The following MAPK8IP1 variants were observed in gnomAD, a reference collection of about 807,000 sequenced individuals.
MAPK8IP1 encodes the protein mitogen-activated protein kinase 8 interacting protein 1, also known as C-Jun-amino-terminal kinase-interacting protein 1.
Under a neutral mutation model 72.6 loss-of-function variants are expected in MAPK8IP1, and 17 were observed. The ratio of observed to expected loss-of-function variants is 0.23; its 90% CI spans 0.16 to 0.35. The LOEUF is 0.35. Among genes scored for constraint, MAPK8IP1 ranks in the 10% least tolerant of loss-of-function variants. The pLI, the probability that MAPK8IP1 is intolerant of heterozygous loss-of-function variation, is 1.00. For missense variants in MAPK8IP1, 789 were observed against 1,009.7 expected (o/e 0.78, Z 2.96); for synonymous variants, 401 against 443.4 (o/e 0.90, Z 1.20).
At position 45,902,152 on chromosome 11, in the gene MAPK8IP1, TGAGTA is replaced by T; in HGVS notation, c.604+95_604+99del. The T allele has an allele frequency of 8.2e-7, 1 of 1,214,210 alleles. No homozygotes were observed. The highest frequency in any genetic ancestry group is 1.2e-6 in the Non-Finnish European group (1 of 815,612). The allele number at this position is 1,214,210 out of a possible 1,614,324, so 75.2% of individuals were successfully genotyped here. ...GCAAACCCTACAGTCTCCAAAGGGCTGAGTAGAGGTGAACTGCCCACCCACATCCC... is the reference window on the plus strand; with the variant it reads ...GCAAACCCTACAGTCTCCAAAGGGCTGAGGTGAACTGCCCACCCACATCCC... On this transcript the variant is annotated intron_variant, in intron 4 of 11. Coordinates refer to ENST00000241014, the MANE Select transcript of MAPK8IP1 (RefSeq NM_005456.4). The surrounding 1 kb of genome is among the most constrained non-coding windows in gnomAD (Gnocchi z 9.3).
chr11:45,902,532 GC>G lies in MAPK8IP1; in HGVS notation c.767del (p.Pro256LeufsTer20), dbSNP rs1565074566. The G allele has an allele frequency of 6.2e-7, 1 of 1,611,460 alleles. No individual in the cohort carries two copies. ...CTCCGGGTGGTCCCCCTGCTGCCCCGCCTGGGGGTCGGGGCCACTCGCATCG... is the reference window on the plus strand; with the variant it reads ...CTCCGGGTGGTCCCCCTGCTGCCCCGCTGGGGGTCGGGGCCACTCGCATCG... Reference protein sequence around the residue: ...APPGGPPAAPPGGRGHSHRDR... With the variant: ...APPGGPPAAPXGGRGHSHRDR... On this transcript the variant is annotated frameshift_variant, in exon 5 of 12. Coordinates refer to ENST00000241014, the MANE Select transcript of MAPK8IP1 (RefSeq NM_005456.4). LOFTEE classifies it high-confidence loss of function. The surrounding 1 kb of genome is among the most constrained non-coding windows in gnomAD (Gnocchi z 9.3).
In MAPK8IP1 at chr11:45,904,924, C is replaced by G. The variant is rs752056733; in HGVS notation, c.1894-47C>G. On this transcript the variant is annotated intron_variant, in intron 9 of 11. Coordinates refer to ENST00000241014, the MANE Select transcript of MAPK8IP1 (RefSeq NM_005456.4). This position sits in a 1 kb window ranked among gnomAD's most constrained non-coding sequence, Gnocchi z 6.4. ...AAGAGGCCATCTCCTGTCACCCTCA[C>G]TGCAGGCCAGGTGACCGCCCTCTTG... 2 of 1,604,260 alleles carry G rather than the reference C, an allele frequency of 1.2e-6. No homozygotes were observed. The highest frequency in any genetic ancestry group is 1.7e-6 in the Non-Finnish European group (2 of 1,171,010).
In MAPK8IP1 at chr11:45,902,404, C is replaced by G. The variant is rs1316996240; in HGVS notation, c.637C>G (p.Leu213Val). 1 of 1,578,500 alleles carries G rather than the reference C, an allele frequency of 6.3e-7. No individual in the cohort carries two copies. Among genetic ancestry groups the G allele is most frequent in the Admixed American group, 1.8e-5 (1 of 54,278 alleles). ...GACACCACCGCATGAACACATCTGC[C>G]TGAGCGATGAGCTGCCCCCCCAGAG... ...EQTPPHEHIC[L>V]SDELPPQSGP... Residue 213 changes from leucine to valine, a missense_variant, in exon 5 of 12, where the codon CTG becomes GTG. By Grantham distance (32) the Leu-to-Val change is conservative (BLOSUM62 1). Coordinates refer to ENST00000241014, the MANE Select transcript of MAPK8IP1 (RefSeq NM_005456.4). The surrounding 1 kb of genome is among the most constrained non-coding windows in gnomAD (Gnocchi z 9.3).
intron 1 of MAPK8IP1, among the ~76,000 whole-genome samples, chr11:45,897,323 A>T (rs925296280): frequency 6.6e-6 from 1 of 151,306 alleles, no homozygotes; most frequent in African/African-American, 2.4e-5. Flanking sequence ...TGGCCTAGGG[A>T]GAGGGGGGTT....
rs562524501 is a variant in MAPK8IP1 at position 45,902,180 on chromosome 11, C to T, written c.604+119C>T. The stretch of plus-strand genomic sequence containing the variant: ...GTAGAGGTGAACTGCCCACCCACAT[C>T]CCTGCACGAGCCCATCCAGGGGCTG... On this transcript the variant is annotated intron_variant, in intron 4 of 11. Transcript: ENST00000241014. This position sits in a 1 kb window ranked among gnomAD's most constrained non-coding sequence, Gnocchi z 9.3. 1.1e-5 allele frequency: 12 copies of T among 1,056,288 alleles called. No individual in the cohort carries two copies. The highest frequency in any genetic ancestry group is 1.8e-5 in the Non-Finnish European group (12 of 673,472). 65.4% of individuals were successfully genotyped at this position (1,056,288 alleles called of 1,614,324 possible). A position where few individuals can be genotyped will look rare whatever the true frequency, so the allele number is the denominator to read the frequency against.
chr11:45,901,914 C>T (rs576256444), intron 3 of MAPK8IP1, 66 bp from the exon 4 acceptor site: 40 of 1,271,954 alleles, frequency 3.1e-5, no homozygotes, highest in Admixed American at 2.2e-4. Flanking sequence ...GGGGCAGGGC[C>T]GGGGCCTCCC....
chr11:45,892,006 G>A (rs1399028246), intron 1 of MAPK8IP1, among the ~76,000 whole-genome samples: 1 of 152,232 alleles, frequency 6.6e-6, no homozygotes, highest in Non-Finnish European at 1.5e-5. Context: ...TCAGCATGAA[G>A]ATGTTTAAAC....
At position 45,885,858 on chromosome 11, in the gene MAPK8IP1, C is replaced by A; in HGVS notation, c.38C>A (p.Ala13Asp). ...ERESGGLGGG[A>D]ASPPAASPFL... ...GAAAGCGGCGGCCTGGGAGGGGGGG[C>A]CGCGTCCCCGCCCGCCGCCTCCCCG... Residue 13 changes from alanine to aspartate, a missense_variant, in exon 1 of 12, where the codon GCC becomes GAC. Physicochemically the swap from Ala to Asp is moderately radical, Grantham distance 126. This residue lies in a region of MAPK8IP1 where 112 missense variants were observed against 111.8 expected (regional missense o/e 1.00). Coordinates refer to ENST00000241014, the MANE Select transcript of MAPK8IP1 (RefSeq NM_005456.4). 1 of 1,451,898 alleles carries A rather than the reference C, an allele frequency of 6.9e-7. No homozygotes were observed. Among genetic ancestry groups the A allele is most frequent in the South Asian group, 1.4e-5 (1 of 73,698 alleles). 89.9% of individuals were successfully genotyped at this position (1,451,898 alleles called of 1,614,324 possible). A position where few individuals can be genotyped will look rare whatever the true frequency, so the allele number is the denominator to read the frequency against.
intron 1 of MAPK8IP1, among the ~76,000 whole-genome samples, chr11:45,895,357 C>T (rs1332573044): frequency 4.6e-5 from 7 of 152,108 alleles, no homozygotes; most frequent in East Asian, 1.9e-4. Flanking sequence ...CCATGGCTCA[C>T]GCCTGCAATC....
At position 45,905,137 on chromosome 11, in the gene MAPK8IP1, A is replaced by T; in HGVS notation, c.1965-14A>T. 6.2e-7 allele frequency: 1 copy of T among 1,612,620 alleles called. No individual in the cohort carries two copies. Among genetic ancestry groups the T allele is most frequent in the Non-Finnish European group, 8.5e-7 (1 of 1,178,916 alleles). On this transcript the variant is annotated splice_polypyrimidine_tract_variant and intron_variant, in intron 10 of 11. Transcript: ENST00000241014. ...CGAGCCCCCGTCCCAGCACAGACAG[A>T]CCTGTCCCTGCAGGTACTTTGGGTT...
Position 45,904,507 on chromosome 11 carries a change from C to A in MAPK8IP1, c.1719C>A (p.Gly573=). 1 of 1,614,226 alleles carries A rather than the reference C, an allele frequency of 6.2e-7. No homozygotes were observed. Among genetic ancestry groups the A allele is most frequent in the Non-Finnish European group, 8.5e-7 (1 of 1,180,050 alleles). The part of the protein sequence containing the change: ...WVDQFRVKFL[G]SVQVPYHKGN... ...ACCAGTTCCGGGTGAAGTTCCTGGG[C>A]TCAGTCCAGGTTCCCTATCACAAGG... Residue 573 remains glycine, a synonymous_variant, in exon 8 of 12, where the codon GGC becomes GGA. Coordinates refer to ENST00000241014, the MANE Select transcript of MAPK8IP1 (RefSeq NM_005456.4). This position sits in a 1 kb window ranked among gnomAD's most constrained non-coding sequence, Gnocchi z 6.4.
Position 45,902,277 on chromosome 11 carries a change from G to T in MAPK8IP1, c.605-95G>T. ...AGGGCCTGTTGCCCAGGGAGGCTTT[G>T]TCTTGGTTTCTGTGTCACCAAGCTG... On this transcript the variant is annotated intron_variant, in intron 4 of 11. Coordinates refer to ENST00000241014, the MANE Select transcript of MAPK8IP1 (RefSeq NM_005456.4). The surrounding 1 kb of genome is among the most constrained non-coding windows in gnomAD (Gnocchi z 9.3). 1 of 1,189,502 alleles carries T rather than the reference G, an allele frequency of 8.4e-7. No homozygotes were observed. Among genetic ancestry groups the T allele is most frequent in the Non-Finnish European group, 1.2e-6 (1 of 816,946 alleles). 73.7% of individuals were successfully genotyped at this position (1,189,502 alleles called of 1,614,324 possible). A position where few individuals can be genotyped will look rare whatever the true frequency, so the allele number is the denominator to read the frequency against.
intron 1 of MAPK8IP1, chr11:45,897,074 C>A: frequency 1.0e-6 from 1 of 988,170 alleles, no homozygotes; most frequent in Non-Finnish European, 1.6e-6. Flanking sequence ...CCCCTGGGGG[C>A]TAAGCCACCA....
chr11:45,905,598 C>T (rs1485306510), intron 11 of MAPK8IP1, 51 bp from the exon 12 acceptor site: 1 of 1,519,526 alleles, frequency 6.6e-7, no homozygotes, highest in South Asian at 1.1e-5. Context: ...GGATCCTGTT[C>T]CTCCCTTGCC....
Position 45,900,116 on chromosome 11 carries a change from C to T in MAPK8IP1, c.208-22C>T, listed in dbSNP as rs963517002. ...GCCCCGCCCCGGCCCCGCCCCCTGA[C>T]GCCCCTCCGTGCGCTGTGCAGCCCC... is the stretch of plus-strand genomic sequence containing the variant. On this transcript the variant is annotated intron_variant, in intron 2 of 11. Coordinates refer to ENST00000241014, the MANE Select transcript of MAPK8IP1 (RefSeq NM_005456.4). This position sits in a 1 kb window ranked among gnomAD's most constrained non-coding sequence, Gnocchi z 6.5. The T allele has an allele frequency of 4.1e-5, 49 of 1,204,472 alleles. No individual in the cohort carries two copies. Among genetic ancestry groups the T allele is most frequent in the East Asian group, 7.0e-5 (2 of 28,406 alleles). 74.6% of individuals were successfully genotyped at this position (1,204,472 alleles called of 1,614,324 possible).
In MAPK8IP1 at chr11:45,903,159, C is replaced by T. The variant is rs2086670760; in HGVS notation, c.1392C>T (p.Phe464=). The T allele has an allele frequency of 8.1e-6, 13 of 1,604,050 alleles. No homozygotes were observed. Among genetic ancestry groups the T allele is most frequent in the East Asian group, 2.2e-5 (1 of 44,676 alleles). The part of the protein sequence containing the change: ...VHFSKKFLNV[F]MSGRSRSSSA... ...TCTCCAAGAAATTCCTGAACGTCTT[C>T]ATGAGTGGCCGCTCCCGCTCCTCCA... The change falls in exon 5 of 12, where the codon TTC becomes TTT. Residue 464 remains phenylalanine, a synonymous_variant. Transcript: ENST00000241014. This position sits in a 1 kb window ranked among gnomAD's most constrained non-coding sequence, Gnocchi z 6.4.
rs977537976 is a variant in MAPK8IP1 at position 45,900,694 on chromosome 11, A to C, written c.522+242A>C. On this transcript the variant is annotated intron_variant, in intron 3 of 11. Coordinates refer to ENST00000241014, the MANE Select transcript of MAPK8IP1 (RefSeq NM_005456.4). This position sits in a 1 kb window ranked among gnomAD's most constrained non-coding sequence, Gnocchi z 6.5. ...GCCTTGAGGCGGGATTGAAGGAGGGAAGGACTGGGGTTAGGAGAGGAGTAG... is the reference window on the plus strand; with the variant it reads ...GCCTTGAGGCGGGATTGAAGGAGGGCAGGACTGGGGTTAGGAGAGGAGTAG... 1.3e-5 allele frequency among the ~76,000 whole-genome samples: 2 copies of C among 151,932 alleles called. No individual in the cohort carries two copies. Among genetic ancestry groups the C allele is most frequent in the African/African-American group, 4.8e-5 (2 of 41,368 alleles).
intron 1 of MAPK8IP1, among the ~76,000 whole-genome samples, chr11:45,895,904 C>T (rs2086601443): frequency 6.6e-6 from 1 of 152,102 alleles, no homozygotes; most frequent in African/African-American, 2.4e-5. Flanking sequence ...GGCTTCTGGG[C>T]CAGGCCCTCC....
Position 45,889,995 on chromosome 11 carries a change from A to G in MAPK8IP1, c.101+4074A>G, listed in dbSNP as rs144212365. Among the ~76,000 whole-genome samples, 698 of 152,328 alleles carry G rather than the reference A, an allele frequency of 4.6e-3. 1 individual carries two copies. The highest frequency in any genetic ancestry group is 6.2e-3 in the Admixed American group (95 of 15,306). On this transcript the variant is annotated intron_variant, in intron 1 of 11. Transcript: ENST00000241014. The stretch of plus-strand genomic sequence containing the variant: ...CTTTACAGATGGGCTGGTCGGTGTG[A>G]TGATGGCTCAGGTCAAGGGACCCAG...
Sources: allele counts gnomAD v4.1 joint callset (sites outside exome capture counted in the v4.1 genomes callset), GRCh38; gene constraint gnomAD v4.1.1; regional missense constraint gnomAD v4.1.1; non-coding constraint Gnocchi (gnomAD v3.1); transcripts MANE v1.5; gene names NCBI Gene and HGNC (gene_info 2026-07-23, HGNC 2026-07-21).